The following TTLL5 variants were observed in gnomAD, a reference collection of about 807,000 sequenced individuals.
TTLL5 encodes tubulin polyglutamylase TTLL5.
Under a neutral mutation model 168.4 loss-of-function variants are expected in TTLL5, and 132 were observed. That is an observed-to-expected ratio of 0.78 (90% CI 0.68 to 0.91). The LOEUF is 0.91. Ranked by LOEUF, TTLL5 falls within the 40% of genes least tolerant of loss-of-function variation. TTLL5 has a pLI of 0.00. For missense variants in TTLL5, 1,545 were observed against 1,581.5 expected (o/e 0.98, Z 0.39); for synonymous variants, 546 against 558.6 (o/e 0.98, Z 0.32).
chr14:75,739,132 T>C (rs1889091667), intron 15 of TTLL5, among the ~76,000 whole-genome samples: 1 of 152,128 alleles, frequency 6.6e-6, no homozygotes, highest in African/African-American at 2.4e-5. Context: ...CTAATCTTAA[T>C]TTCTCATTAT....
intron 27 of TTLL5, among the ~76,000 whole-genome samples, chr14:75,807,923 CAT>C (rs1893752460): frequency 1.3e-5 from 2 of 152,204 alleles, no homozygotes; most frequent in South Asian, 4.1e-4. Flanking sequence ...GCTTGCAAAA[CAT>C]GTGGCTCTGT....
intron 15 of TTLL5, among the ~76,000 whole-genome samples, chr14:75,740,696 C>T (rs1483695110): frequency 6.6e-6 from 1 of 152,110 alleles, no homozygotes; most frequent in Admixed American, 6.5e-5. Context: ...TGGTCCATTT[C>T]CATTCAGATT....
intron 31 of TTLL5, among the ~76,000 whole-genome samples, chr14:75,916,645 A>G (rs2033625465): frequency 6.6e-6 from 1 of 152,280 alleles, no homozygotes; most frequent in Admixed American, 6.5e-5. Flanking sequence ...TCAAAAAAAC[A>G]AAAAAATTGA....
intron 30 of TTLL5, chr14:75,887,047 G>A: frequency 8.0e-7 from 1 of 1,249,878 alleles, no homozygotes. Flanking sequence ...TCTTTACCCT[G>A]GGCTTAGGTG....
At chr14:75,808,445 A>T (rs1355363624) in intron 27 of TTLL5, among the ~76,000 whole-genome samples, 1 of 152,204 alleles carries the variant, frequency 6.6e-6, no homozygotes, top group African/African-American at 2.4e-5. Context: ...AATTGTGGCT[A>T]GTGATTTAAT....
chr14:75,936,211 A>G (rs1042065916), intron 31 of TTLL5, among the ~76,000 whole-genome samples: 3 of 152,150 alleles, frequency 2.0e-5, no homozygotes, highest in African/African-American at 7.2e-5. Flanking sequence ...CCATGTTTTT[A>G]CAGTGGAGAC....
At chr14:75,874,116 G>A (rs1301765119) in intron 29 of TTLL5, among the ~76,000 whole-genome samples, 1 of 150,988 alleles carries the variant, frequency 6.6e-6, no homozygotes, top group Non-Finnish European at 1.5e-5. Flanking sequence ...TTTTGAGACA[G>A]AGTTTCACTC....
intron 17 of TTLL5, among the ~76,000 whole-genome samples, chr14:75,747,148 T>G (rs1307288047): frequency 6.6e-6 from 1 of 152,106 alleles, no homozygotes; most frequent in African/African-American, 2.4e-5. Flanking sequence ...TAATTTGGGA[T>G]GGTTTTGTAT....
intron 1 of TTLL5, 31 bp downstream of exon 1, chr14:75,661,418 C>T (rs1890710548): frequency 6.6e-6 from 1 of 152,500 alleles, no homozygotes. Flanking sequence ...GCTTCCCTAC[C>T]CTAGGGAGGA....
intron 28 of TTLL5, among the ~76,000 whole-genome samples, chr14:75,856,631 T>C (rs1272214354): frequency 1.4e-5 from 2 of 147,416 alleles, no homozygotes; most frequent in East Asian, 2.0e-4. Context: ...ATTGCTTTTT[T>C]TTTTTTTTTT....
intron 28 of TTLL5, among the ~76,000 whole-genome samples, chr14:75,862,908 C>T (rs2030147372): frequency 6.6e-6 from 1 of 152,160 alleles, no homozygotes; most frequent in African/African-American, 2.4e-5. Flanking sequence ...GATTGCACCA[C>T]TGCACTCCAT....
intron 12 of TTLL5, among the ~76,000 whole-genome samples, chr14:75,726,722 G>A (rs1014464256): frequency 6.6e-6 from 1 of 152,140 alleles, no homozygotes; most frequent in African/African-American, 2.4e-5. Context: ...AATATAGCGT[G>A]CATAGAATGG....
chr14:75,868,345 G>A (rs578180713), intron 29 of TTLL5, among the ~76,000 whole-genome samples: 8 of 152,168 alleles, frequency 5.3e-5, no homozygotes, highest in African/African-American at 9.6e-5. Flanking sequence ...CACTGGTTCC[G>A]GTCTCTTTCG....
At chr14:75,809,116 TG>T (rs1893828855) in intron 27 of TTLL5, among the ~76,000 whole-genome samples, 1 of 152,182 alleles carries the variant, frequency 6.6e-6, no homozygotes, top group Non-Finnish European at 1.5e-5. Context: ...TTAACCTTTT[TG>T]GATTCAGAAG....
intron 31 of TTLL5, 59 bp downstream of exon 31, chr14:75,902,283 G>A: frequency 6.4e-7 from 1 of 1,553,986 alleles, no homozygotes; most frequent in Middle Eastern, 1.7e-4. Context: ...GTTGGGCTTG[G>A]CACATTCTCT....
intron 31 of TTLL5, among the ~76,000 whole-genome samples, chr14:75,950,324 A>G (rs895554516): frequency 2.0e-5 from 3 of 152,242 alleles, no homozygotes; most frequent in African/African-American, 7.2e-5. Flanking sequence ...AATACATTAG[A>G]GGACCAGATC....
chr14:75,833,142 T>G (rs571177642), intron 28 of TTLL5, among the ~76,000 whole-genome samples: 4 of 152,228 alleles, frequency 2.6e-5, no homozygotes, highest in African/African-American at 7.2e-5. Flanking sequence ...CCTGCGTTCC[T>G]CTCCCTGTGC....
chr14:75,757,320 G>T (rs189220194), intron 18 of TTLL5, among the ~76,000 whole-genome samples: 17 of 152,132 alleles, frequency 1.1e-4, no homozygotes, highest in East Asian at 5.8e-4. Context: ...ATATATTTCT[G>T]ATGAGCATCC....
intron 31 of TTLL5, among the ~76,000 whole-genome samples, chr14:75,904,539 C>T (rs1276908383): frequency 1.3e-5 from 2 of 152,170 alleles, no homozygotes; most frequent in Non-Finnish European, 2.9e-5. Context: ...ATACTTGCAG[C>T]ATCTTGACCG....
Sources: gnomAD v4.1 joint callset for allele counts (sites outside exome capture counted in the v4.1 genomes callset) on GRCh38, gnomAD v4.1.1 for gene constraint, MANE v1.5 for transcripts, NCBI Gene and HGNC (gene_info 2026-07-23, HGNC 2026-07-21) for gene names.